The following RASA2 variants were observed in gnomAD, a reference collection of about 807,000 sequenced individuals.
RASA2 encodes the protein RAS p21 protein activator 2.
A neutral mutation model predicts 118.2 loss-of-function variants in RASA2; 155 were observed. The observed-to-expected ratio is 1.31, with a 90% CI of 1.15 to 1.50. The LOEUF is 1.50. Ranked by LOEUF, RASA2 falls within the 40% of genes most tolerant of loss-of-function variation. RASA2 has a pLI of 0.00. For synonymous variants in RASA2, 353 were observed against 349.1 expected, an observed-to-expected ratio of 1.01 and a Z score of -0.12; for missense variants, 1,016 against 1,009.6, an observed-to-expected ratio of 1.01 and a Z score of -0.09.
chr3:141,556,973 C>G lies in RASA2; in HGVS notation c.684+1061C>G, dbSNP rs546481943. Among the ~76,000 whole-genome samples the G allele has an allele frequency of 3.3e-5, 5 of 152,118 alleles. No homozygotes were observed. In the East Asian group the frequency reaches 9.6e-4, roughly 29 times the overall value. The stretch of plus-strand genomic sequence containing the variant: ...CTAAGGACTTGGTGCAGTTGTTCTA[C>G]GTTTATTAATGGCGGTTGCATCTAA... On this transcript the variant is annotated intron_variant, in intron 7 of 23. Coordinates refer to ENST00000286364, the MANE Select transcript of RASA2 (RefSeq NM_006506.5).
chr3:141,549,038 G>A (rs1354953122), intron 5 of RASA2, among the ~76,000 whole-genome samples: 2 of 152,120 alleles, frequency 1.3e-5, no homozygotes, highest in Non-Finnish European at 2.9e-5. Flanking sequence ...TATCTGCCCT[G>A]GAATTTAACT....
chr3:141,580,322 A>G lies in RASA2; in HGVS notation c.1591-46A>G, dbSNP rs73869676. On this transcript the variant is annotated intron_variant, in intron 15 of 23. Coordinates refer to ENST00000286364, the MANE Select transcript of RASA2 (RefSeq NM_006506.5). ...TCTATTCTACTTTTTTATACAAACT[A>G]TTTTCTTGAAAACTTAGTAGTTTTG... The G allele has an allele frequency of 2.0e-3, 2,802 of 1,418,484 alleles. 35 individuals are homozygous for G. In the African/African-American group the frequency reaches 0.034, roughly 17 times the overall value. The allele number at this position is 1,418,484 out of a possible 1,614,324, so 87.9% of individuals were successfully genotyped here.
intron 1 of RASA2, among the ~76,000 whole-genome samples, chr3:141,494,647 G>A (rs532657495): frequency 5.3e-5 from 8 of 152,258 alleles, no homozygotes; most frequent in East Asian, 1.9e-4. Context: ...GATTACAGCC[G>A]TGAACCACTG....
At chr3:141,556,210 A>G (rs1021171532) in intron 7 of RASA2, among the ~76,000 whole-genome samples, 5 of 152,194 alleles carry the variant, frequency 3.3e-5, no homozygotes, top group African/African-American at 1.2e-4. Flanking sequence ...CTCCCTACCT[A>G]ACACATAGTG....
chr3:141,506,536 G>T (rs2081869534), intron 1 of RASA2, among the ~76,000 whole-genome samples: 1 of 152,064 alleles, frequency 6.6e-6, no homozygotes, highest in Admixed American at 6.5e-5. Context: ...TATTAATTTA[G>T]GGTCAAACTA....
chr3:141,493,751 A>C (rs2081665640), intron 1 of RASA2, among the ~76,000 whole-genome samples: 1 of 152,212 alleles, frequency 6.6e-6, no homozygotes, highest in African/African-American at 2.4e-5. Flanking sequence ...ATATACATTG[A>C]AAAGTATTCC....
chr3:141,588,176 A>G (rs574717777), intron 19 of RASA2, among the ~76,000 whole-genome samples: 232 of 152,344 alleles, frequency 1.5e-3, no homozygotes, highest in Non-Finnish European at 2.7e-3. Context: ...CTCCACATAA[A>G]TCAGCCTTAT....
chr3:141,612,382 A>G lies in RASA2; in HGVS notation c.*69A>G. 1 of 1,293,726 alleles carries G rather than the reference A, an allele frequency of 7.7e-7. No homozygotes were observed. The highest frequency in any genetic ancestry group is 1.1e-6 in the Non-Finnish European group (1 of 922,152). 80.1% of individuals were successfully genotyped at this position (1,293,726 alleles called of 1,614,324 possible). On this transcript the variant is annotated 3_prime_UTR_variant, in exon 24 of 24. Transcript: ENST00000286364. ...CTTGGAGCTTTTCAATTCATCATGT[A>G]TTTTGTTCATGGTATTTAAGAATGA...
At chr3:141,560,136 A>C in intron 9 of RASA2, 141 bp downstream of exon 9, 1 of 600,868 alleles carries the variant, frequency 1.7e-6, no homozygotes, top group Non-Finnish European at 2.8e-6. Context: ...TATGTTCATT[A>C]ATTCATTGTT....
At chr3:141,543,876 C>CTTTTTTTTTTTTTTTTTTT (rs529631210) in intron 5 of RASA2, among the ~76,000 whole-genome samples, 31 of 117,314 alleles carry the variant, frequency 2.6e-4, no homozygotes, top group Non-Finnish European at 4.1e-4. Context: ...TTTCTTTTTT[C>CTTTTTTTTTTTTTTTTTTT]TTTTTTTTTT....
rs113785951 is a variant in RASA2 at position 141,557,664 on chromosome 3, G to A, written c.685-1222G>A. Among the ~76,000 whole-genome samples the A allele has an allele frequency of 2.1e-3, 326 of 152,262 alleles. 4 individuals are homozygous for A. The highest frequency in any genetic ancestry group is 7.5e-3 in the African/African-American group (310 of 41,532). On this transcript the variant is annotated intron_variant, in intron 7 of 23. Transcript: ENST00000286364. ...TATGATCTGAGGTCCAGGTGGCTTA[G>A]GGAGAAAGAACAAAGCTGGGGAGAC...
At chr3:141,520,912 T>C (rs1287028245) in intron 3 of RASA2, among the ~76,000 whole-genome samples, 1 of 152,068 alleles carries the variant, frequency 6.6e-6, no homozygotes. Flanking sequence ...GGGAATGTAC[T>C]TCAGGGGTTT....
At chr3:141,591,519 G>C (rs536898479) in intron 19 of RASA2, among the ~76,000 whole-genome samples, 3 of 152,216 alleles carry the variant, frequency 2.0e-5, no homozygotes, top group African/African-American at 4.8e-5. Context: ...TGGCATAAAG[G>C]CATATAGTAA....
In RASA2 at chr3:141,540,586, T is replaced by C; in HGVS notation, c.504T>C (p.Thr168=). 6.2e-7 allele frequency: 1 copy of C among 1,612,756 alleles called. No homozygotes were observed. The highest frequency in any genetic ancestry group is 1.1e-5 in the South Asian group (1 of 90,988). Residue 168 remains threonine, a synonymous_variant, in exon 5 of 24, where the codon ACT becomes ACC. Transcript: ENST00000286364. The part of the protein sequence containing the change: ...KLNELITENG[T]VCQQLVVHIK... ...ATGAACTGATAACGGAGAATGGAACTGTATGCCAGCAGCTTGTTGTACAGT... is the reference window on the plus strand; with the variant it reads ...ATGAACTGATAACGGAGAATGGAACCGTATGCCAGCAGCTTGTTGTACAGT...
intron 19 of RASA2, among the ~76,000 whole-genome samples, chr3:141,599,242 T>G (rs944716995): frequency 1.0e-4 from 13 of 124,930 alleles, no homozygotes; most frequent in Admixed American, 3.6e-4. Flanking sequence ...GTTTTTTGGG[T>G]TTTTTTTTTT....
chr3:141,544,729 G>A (rs900920156), intron 5 of RASA2, among the ~76,000 whole-genome samples: 1 of 152,078 alleles, frequency 6.6e-6, no homozygotes, highest in African/African-American at 2.4e-5. Flanking sequence ...GCAAAGACAT[G>A]GAATCAACTT....
intron 19 of RASA2, among the ~76,000 whole-genome samples, chr3:141,588,419 G>A (rs996513304): frequency 2.0e-5 from 3 of 152,198 alleles, no homozygotes; most frequent in African/African-American, 4.8e-5. Context: ...CAGAGTACCT[G>A]AGCAACCACA....
At chr3:141,604,901 A>G (rs951747417) in intron 19 of RASA2, among the ~76,000 whole-genome samples, 1 of 152,068 alleles carries the variant, frequency 6.6e-6, no homozygotes, top group Admixed American at 6.5e-5. Flanking sequence ...AACTTAAAGT[A>G]TAACAAAAAT....
intron 23 of RASA2, among the ~76,000 whole-genome samples, chr3:141,610,749 C>T (rs1577838661): frequency 6.6e-6 from 1 of 151,900 alleles, no homozygotes; most frequent in East Asian, 1.9e-4. Flanking sequence ...CCTCGTCTCT[C>T]AAAGTGCTGA....
Sources: gnomAD v4.1 joint callset for allele counts (sites outside exome capture counted in the v4.1 genomes callset) on GRCh38, gnomAD v4.1.1 for gene constraint, MANE v1.5 for transcripts, NCBI Gene and HGNC (gene_info 2026-07-23, HGNC 2026-07-21) for gene names.